ZNF761: variants seen among roughly 807,000 people sequenced by gnomAD.
ZNF761 encodes zinc finger protein 761.
ZNF761 carries 43 observed loss-of-function variants against 59.9 expected under a neutral mutation model. That is an observed-to-expected ratio of 0.72 (90% CI 0.56 to 0.92). ZNF761 has a LOEUF of 0.92. Ranked by LOEUF, ZNF761 falls within the 40% of genes least tolerant of loss-of-function variation. The pLI, the probability that ZNF761 is intolerant of heterozygous loss-of-function variation, is 0.00. For synonymous variants in ZNF761, 294 were observed against 304.8 expected, an observed-to-expected ratio of 0.96 and a Z score of 0.37; for missense variants, 850 against 906.1, an observed-to-expected ratio of 0.94 and a Z score of 0.79.
intron 1 of ZNF761, among the ~76,000 whole-genome samples, chr19:53,434,755 G>T (rs1176881805): frequency 6.6e-6 from 1 of 152,074 alleles, no homozygotes; most frequent in African/African-American, 2.4e-5. Context: ...ATTATCTTGT[G>T]GCATTAACTC....
At chr19:53,441,633 G>T (rs4803122) in intron 1 of ZNF761, among the ~76,000 whole-genome samples, 1 of 151,788 alleles carries the variant, frequency 6.6e-6, no homozygotes, top group Non-Finnish European at 1.5e-5. Context: ...TTTTAGCAGA[G>T]ATGGGGTTTC....
intron 1 of ZNF761, among the ~76,000 whole-genome samples, chr19:53,433,334 G>A (rs944332552): frequency 6.6e-6 from 1 of 151,562 alleles, no homozygotes; most frequent in South Asian, 2.1e-4. Flanking sequence ...TGGTGGCCTC[G>A]TAGCTGAGTT....
chr19:53,456,085 G>A lies in ZNF761; in HGVS notation c.1578G>A (p.Glu526=), dbSNP rs1362794701. Reference sequence around the variant, plus strand: ...GAGAGAAAGCTTACAAGTGTAATGAGTGCGGCAAGACCTTTAGTTGGAAGT... The same window carrying A: ...GAGAGAAAGCTTACAAGTGTAATGAATGCGGCAAGACCTTTAGTTGGAAGT... ...HTGEKAYKCN[E]CGKTFSWKSS... Residue 526 remains glutamate (E), a synonymous_variant, in exon 5 of 5, where the codon GAG becomes GAA. Transcript: ENST00000684525. 6.9e-6 allele frequency: 11 copies of A among 1,599,680 alleles called. No homozygotes were observed. In the East Asian group the frequency reaches 2.5e-4, roughly 36 times the overall value.
At chr19:53,449,142 T>C (rs1359129562) in intron 3 of ZNF761, among the ~76,000 whole-genome samples, 15,871 of 151,968 alleles carry the variant, frequency 0.1, 1,379 homozygotes, top group African/African-American at 0.23. Context: ...CCAACCTGGC[T>C]ATTACGGTGA....
intron 1 of ZNF761, among the ~76,000 whole-genome samples, chr19:53,432,463 A>AGAAG (rs2085981452): frequency 6.6e-6 from 1 of 150,916 alleles, no homozygotes; most frequent in Non-Finnish European, 1.5e-5. Context: ...TCGCCCCTTC[A>AGAAG]CCTCCCTCCT....
chr19:53,450,515 T>G (rs889409809), intron 4 of ZNF761, among the ~76,000 whole-genome samples: 1 of 149,102 alleles, frequency 6.7e-6, no homozygotes, highest in Non-Finnish European at 1.5e-5. Context: ...TTCTTGTAGG[T>G]TTTTTTTGTT....
chr19:53,449,518 T>C lies in ZNF761; in HGVS notation c.22T>C (p.Leu8=), dbSNP rs1395508712. ...AAATGTGTTTTCATTTCAGGGTCTA[T>C]TGACATTCAGGGATGTGGCCATAGA... MAFSQGL[L]TFRDVAIEFS... is the part of the protein sequence containing the mutation. The change falls in exon 4 of 5, where the codon TTG becomes CTG. Residue 8 remains leucine, a synonymous_variant. Coordinates refer to ENST00000684525, the MANE Select transcript of ZNF761 (RefSeq NM_001289951.2). The C allele has an allele frequency of 3.1e-6, 5 of 1,613,888 alleles. No homozygotes were observed. In the Admixed American group the frequency reaches 5.0e-5, roughly 16 times the overall value.
At chr19:53,433,465 TC>T (rs143612320) in intron 1 of ZNF761, among the ~76,000 whole-genome samples, 79,932 of 142,528 alleles carry the variant, frequency 0.56, 23,643 homozygotes, top group African/African-American at 0.74. Context: ...CTTCGCCAAG[TC>T]GAGCTTGCTA....
chr19:53,448,341 C>T (rs1190287745), intron 3 of ZNF761, among the ~76,000 whole-genome samples: 1 of 152,148 alleles, frequency 6.6e-6, no homozygotes, highest in African/African-American at 2.4e-5. Context: ...TATATTTAAC[C>T]ATCACATGAT....
chr19:53,445,467 T>G (rs938779656), intron 1 of ZNF761, among the ~76,000 whole-genome samples: 1 of 143,300 alleles, frequency 7.0e-6, no homozygotes, highest in Non-Finnish European at 1.5e-5. Flanking sequence ...TCAGACCTTC[T>G]CAGGGTAACT....
In ZNF761 at chr19:53,455,342, T is replaced by G. The variant is rs748159185; in HGVS notation, c.835T>G (p.Phe279Val). The change falls in exon 5 of 5, where the codon TTC becomes GTC. Residue 279 changes from phenylalanine to valine, a missense_variant. Coordinates refer to ENST00000684525, the MANE Select transcript of ZNF761 (RefSeq NM_001289951.2). ...PYKCNECGKT[F>V]SQTSSLTCHR... ...CAAGTGTAATGAGTGTGGCAAGACC[T>G]TCAGTCAGACGTCATCCCTTACATG... The G allele has an allele frequency of 1.2e-5, 19 of 1,614,090 alleles. No homozygotes were observed. Among genetic ancestry groups the G allele is most frequent in the Non-Finnish European group, 1.6e-5 (19 of 1,180,052 alleles).
chr19:53,448,028 G>C (rs2086179491), intron 3 of ZNF761, among the ~76,000 whole-genome samples: 1 of 152,122 alleles, frequency 6.6e-6, no homozygotes, highest in African/African-American at 2.4e-5. Context: ...AATATGCAGA[G>C]TCTTGCTCTG....
In ZNF761 at chr19:53,455,738, A is replaced by C. The variant is rs750415402; in HGVS notation, c.1231A>C (p.Lys411Gln). 4 of 1,614,122 alleles carry C rather than the reference A, an allele frequency of 2.5e-6. No homozygotes were observed. Among genetic ancestry groups the C allele is most frequent in the Non-Finnish European group, 3.4e-6 (4 of 1,180,028 alleles). ...RRLHTGEKPYKCEECDKAYSF... is the reference protein window; with the variant it reads ...RRLHTGEKPYQCEECDKAYSF... ...ACTTCATACTGGAGAGAAACCTTAC[A>C]AATGTGAAGAATGTGACAAAGCTTA... Residue 411 changes from lysine to glutamine, a missense_variant, in exon 5 of 5, where the codon AAA becomes CAA. Physicochemically the swap from Lys to Gln is moderately conservative, Grantham distance 53 (BLOSUM62 1). Transcript: ENST00000684525.
chr19:53,434,163 A>G (rs781638736), intron 1 of ZNF761, among the ~76,000 whole-genome samples: 49 of 152,166 alleles, frequency 3.2e-4, no homozygotes, highest in Admixed American at 6.5e-4. Context: ...TTGGGGTGCA[A>G]TACCTTCGTG....
intron 1 of ZNF761, among the ~76,000 whole-genome samples, chr19:53,433,122 A>G (rs2085993589): frequency 6.6e-6 from 1 of 151,998 alleles, no homozygotes; most frequent in African/African-American, 2.4e-5. Flanking sequence ...GAAACTGAGG[A>G]CTAGACAGAC....
intron 4 of ZNF761, among the ~76,000 whole-genome samples, chr19:53,451,667 C>CT (rs1180640423): frequency 2.6e-5 from 4 of 151,970 alleles, no homozygotes; most frequent in Non-Finnish European, 5.9e-5. Context: ...ACTGCAACCT[C>CT]TCCCTCCCAG....
chr19:53,455,095 C>T lies in ZNF761; in HGVS notation c.588C>T (p.Phe196=). The T allele has an allele frequency of 1.2e-6, 2 of 1,614,164 alleles. No individual in the cohort carries two copies. The highest frequency in any genetic ancestry group is 1.1e-5 in the South Asian group (1 of 91,070). The change falls in exon 5 of 5, where the codon TTC becomes TTT. Residue 196 remains phenylalanine, a synonymous_variant. Coordinates refer to ENST00000684525, the MANE Select transcript of ZNF761 (RefSeq NM_001289951.2). Reference sequence around the variant, plus strand: ...TATCTAATAACCATGGGAATAATTTCTGGAATTCTTCATTACTCACACAAA... The same window carrying T: ...TATCTAATAACCATGGGAATAATTTTTGGAATTCTTCATTACTCACACAAA... ...THISNNHGNN[F]WNSSLLTQKQ...
chr19:53,440,707 C>CG (rs397722248), intron 1 of ZNF761, among the ~76,000 whole-genome samples: 3 of 2,838 alleles, frequency 1.1e-3, no homozygotes, highest in Non-Finnish European at 3.4e-3. Context: ...TGAGACAGGG[C>CG]TGGCTCTATC....
chr19:53,444,171 A>C (rs1340867861), intron 1 of ZNF761: 1 of 152,180 alleles, frequency 6.6e-6, no homozygotes, highest in Non-Finnish European at 1.5e-5. Context: ...GAAAGACCTG[A>C]CTGTCCCCCA....
Sources: gnomAD v4.1 joint callset for allele counts (sites outside exome capture counted in the v4.1 genomes callset) on GRCh38, gnomAD v4.1.1 for gene constraint, MANE v1.5 for transcripts, NCBI Gene and HGNC (gene_info 2026-07-23, HGNC 2026-07-21) for gene names.